Variants in GPR158 observed in about 807,000 individuals in gnomAD.
GPR158 encodes the protein G protein-coupled receptor 158.
GPR158 carries 30 observed loss-of-function variants against 78.2 expected under a neutral mutation model. The observed-to-expected ratio is 0.38, with a 90% CI of 0.29 to 0.52. The LOEUF is 0.52. Among genes scored for constraint, GPR158 ranks in the 20% least tolerant of loss-of-function variants. GPR158 has a pLI of 0.83. For missense variants in GPR158, 1,463 were observed against 1,523.5 expected (o/e 0.96, Z 0.66); for synonymous variants, 581 against 591.1 (o/e 0.98, Z 0.25).
chr10:25,495,672 G>T (rs796191921), intron 5 of GPR158, among the ~76,000 whole-genome samples: 8 of 152,092 alleles, frequency 5.3e-5, no homozygotes, highest in African/African-American at 1.2e-4. Context: ...GTGGTATGTT[G>T]TCGGCGCATT....
At chr10:25,326,425 A>C (rs1014078312) in intron 2 of GPR158, among the ~76,000 whole-genome samples, 3 of 151,948 alleles carry the variant, frequency 2.0e-5, no homozygotes, top group African/African-American at 4.8e-5. Context: ...TTTTAAATAT[A>C]TTTTGGATGT....
intron 4 of GPR158, among the ~76,000 whole-genome samples, chr10:25,416,046 T>C (rs1212723353): frequency 6.6e-6 from 1 of 152,166 alleles, no homozygotes; most frequent in Non-Finnish European, 1.5e-5. Context: ...TAAAGGAGTT[T>C]ACATATTATT....
intron 6 of GPR158, among the ~76,000 whole-genome samples, chr10:25,551,459 T>C (rs1488514009): frequency 1.3e-5 from 2 of 152,158 alleles, no homozygotes; most frequent in African/African-American, 4.8e-5. Flanking sequence ...AACACACTTA[T>C]TTGACAAAAA....
At chr10:25,264,051 A>G (rs1370344481) in intron 2 of GPR158, among the ~76,000 whole-genome samples, 1 of 152,136 alleles carries the variant, frequency 6.6e-6, no homozygotes, top group Non-Finnish European at 1.5e-5. Context: ...TTCCTAACTG[A>G]TGAATATCAG....
chr10:25,496,565 G>T (rs1226671646), intron 5 of GPR158, among the ~76,000 whole-genome samples: 4 of 152,216 alleles, frequency 2.6e-5, no homozygotes, highest in Non-Finnish European at 5.9e-5. Flanking sequence ...CAATTAGCTG[G>T]TAAAGGATGC....
At chr10:25,497,377 G>A (rs1441408630) in intron 5 of GPR158, among the ~76,000 whole-genome samples, 3 of 152,200 alleles carry the variant, frequency 2.0e-5, no homozygotes, top group Non-Finnish European at 4.4e-5. Flanking sequence ...TTCCCATGAG[G>A]TGGATGTGAG....
chr10:25,570,236 A>T (rs1478761499), intron 6 of GPR158, among the ~76,000 whole-genome samples: 1 of 152,244 alleles, frequency 6.6e-6, no homozygotes, highest in East Asian at 1.9e-4. Context: ...TTACAATGGA[A>T]ACCTTCTTAT....
At chr10:25,582,996 G>A (rs894039340) in intron 7 of GPR158, among the ~76,000 whole-genome samples, 2 of 152,126 alleles carry the variant, frequency 1.3e-5, no homozygotes, top group Non-Finnish European at 2.9e-5. Context: ...GAAAATCTCA[G>A]CCAAGAATGT....
intron 2 of GPR158, among the ~76,000 whole-genome samples, chr10:25,371,926 T>G (rs10764533): frequency 1.4e-5 from 2 of 143,042 alleles, no homozygotes; most frequent in African/African-American, 2.6e-5. Flanking sequence ...GGCAACCTAC[T>G]AAATGGGAGA....
intron 4 of GPR158, among the ~76,000 whole-genome samples, chr10:25,447,844 T>C (rs901120664): frequency 1.9e-5 from 2 of 105,500 alleles, no homozygotes; most frequent in African/African-American, 7.2e-5. Context: ...AAGTGTACAA[T>C]GCAGTCAGTT....
intron 2 of GPR158, among the ~76,000 whole-genome samples, chr10:25,268,577 GT>G (rs1854073672): frequency 6.6e-6 from 1 of 152,072 alleles, no homozygotes; most frequent in Non-Finnish European, 1.5e-5. Flanking sequence ...AAAAATACTA[GT>G]AGCAGACAGT....
At position 25,392,776 on chromosome 10, in the gene GPR158, G is replaced by A. The variant is rs77974909; in HGVS notation, c.1009-3135G>A. ...CGAGGGAATCATGGTGGTGGGTACA[G>A]CAAGAAAATATGCCTTGCAAGTTTA... On this transcript the variant is annotated intron_variant, in intron 2 of 10. Coordinates refer to ENST00000376351, the MANE Select transcript of GPR158 (RefSeq NM_020752.3). Among the ~76,000 whole-genome samples, 272 of 152,108 alleles carry A rather than the reference G, an allele frequency of 1.8e-3. 2 individuals are homozygous for A. In the East Asian group the frequency reaches 0.029, roughly 16 times the overall value.
chr10:25,455,296 A>G (rs1054501673), intron 4 of GPR158, among the ~76,000 whole-genome samples: 1 of 152,214 alleles, frequency 6.6e-6, no homozygotes, highest in African/African-American at 2.4e-5. Flanking sequence ...AGAAAGTTTC[A>G]AAAAGCTTGT....
Position 25,176,373 on chromosome 10 carries a change from C to A in GPR158, c.902+51C>A. On this transcript the variant is annotated intron_variant, in intron 1 of 10. Transcript: ENST00000376351. This position sits in a 1 kb window ranked among gnomAD's most constrained non-coding sequence, Gnocchi z 6.3. ...GAAGGCAAAAGCGAAGCTTTCCTTCCGGTCTTGTGGGTGGGTGCACGTGTG... is the reference window on the plus strand; with the variant it reads ...GAAGGCAAAAGCGAAGCTTTCCTTCAGGTCTTGTGGGTGGGTGCACGTGTG... The A allele has an allele frequency of 1.4e-6, 2 of 1,399,194 alleles. No homozygotes were observed. Among genetic ancestry groups the A allele is most frequent in the Non-Finnish European group, 1.9e-6 (2 of 1,034,216 alleles). 86.7% of individuals were successfully genotyped at this position (1,399,194 alleles called of 1,614,324 possible).
intron 5 of GPR158, among the ~76,000 whole-genome samples, chr10:25,517,473 G>GT (rs1245525282): frequency 6.6e-6 from 1 of 152,090 alleles, no homozygotes. Flanking sequence ...AATGCTTCCA[G>GT]TTTTTGCCCA....
intron 3 of GPR158, among the ~76,000 whole-genome samples, chr10:25,397,744 C>T (rs1834381762): frequency 6.6e-6 from 1 of 152,104 alleles, no homozygotes; most frequent in African/African-American, 2.4e-5. Flanking sequence ...AGGTGGCCTC[C>T]CAGGTTCTGC....
chr10:25,284,815 C>T (rs888855561), intron 2 of GPR158, among the ~76,000 whole-genome samples: 10 of 151,970 alleles, frequency 6.6e-5, no homozygotes, highest in Middle Eastern at 3.4e-3. Flanking sequence ...GTTTACAATA[C>T]GTATCTTATT....
At chr10:25,192,052 C>G (rs1236465915) in intron 1 of GPR158, among the ~76,000 whole-genome samples, 1 of 152,112 alleles carries the variant, frequency 6.6e-6, no homozygotes, top group Non-Finnish European at 1.5e-5. Flanking sequence ...TGTCTGCACC[C>G]AAAATCTCAT....
chr10:25,481,765 C>A (rs1014079130), intron 5 of GPR158, among the ~76,000 whole-genome samples: 4 of 152,178 alleles, frequency 2.6e-5, no homozygotes, highest in African/African-American at 9.6e-5. Context: ...TTCAACTTCT[C>A]CATATCCACA....
Sources: gnomAD v4.1 joint callset for allele counts (sites outside exome capture counted in the v4.1 genomes callset) on GRCh38, gnomAD v4.1.1 for gene constraint, Gnocchi (gnomAD v3.1) non-coding constraint, MANE v1.5 for transcripts, NCBI Gene and HGNC (gene_info 2026-07-23, HGNC 2026-07-21) for gene names.